PDCD1LG2: variants seen among roughly 807,000 people sequenced by gnomAD.
PDCD1LG2 encodes the protein programmed cell death 1 ligand 2.
In PDCD1LG2, 32 loss-of-function variants were observed where a neutral mutation model predicts 28.2. That is an observed-to-expected ratio of 1.13 (90% CI 0.86 to 1.52). The LOEUF (loss-of-function observed/expected upper bound fraction) is 1.52. Ranked by LOEUF, PDCD1LG2 falls within the 40% of genes most tolerant of loss-of-function variation. The pLI is 0.00. For missense variants in PDCD1LG2, 385 were observed against 323.8 expected (o/e 1.19, Z -1.45); for synonymous variants, 116 against 120.2 (o/e 0.97, Z 0.23).
intron 5 of PDCD1LG2, among the ~76,000 whole-genome samples, chr9:5,560,760 G>A (rs1193307311): frequency 6.6e-6 from 1 of 152,034 alleles, no homozygotes; most frequent in Non-Finnish European, 1.5e-5. Flanking sequence ...CTTCCAGATG[G>A]CTTCTTAGCT....
intron 3 of PDCD1LG2, among the ~76,000 whole-genome samples, chr9:5,539,033 A>G (rs55822557): frequency 0.015 from 2,219 of 152,252 alleles, 51 homozygotes; most frequent in African/African-American, 0.047. Flanking sequence ...TTAAATATTT[A>G]TATGTATTTT....
At chr9:5,556,372 CCTT>C (rs146866773) in intron 4 of PDCD1LG2, among the ~76,000 whole-genome samples, 3,336 of 152,276 alleles carry the variant, frequency 0.022, 136 homozygotes, top group African/African-American at 0.076. Context: ...GAGCAAGGCT[CCTT>C]ATCTTTTCTT....
intron 4 of PDCD1LG2, among the ~76,000 whole-genome samples, chr9:5,550,555 C>T: frequency 6.6e-6 from 1 of 152,112 alleles, no homozygotes; most frequent in East Asian, 1.9e-4. Flanking sequence ...TTGCAGAGGC[C>T]CTAAGGGAAG....
In PDCD1LG2 at chr9:5,549,548, G is replaced by C; in HGVS notation, c.575G>C (p.Cys192Ser). Reference sequence around the variant, plus strand: ...CCACCCCCTGGCAGAAACTTCAGCTGTGTGTTCTGGAATACTCACGTGAGG... The same window carrying C: ...CCACCCCCTGGCAGAAACTTCAGCTCTGTGTTCTGGAATACTCACGTGAGG... ...LKPPPGRNFS[C>S]VFWNTHVREL... Residue 192 changes from cysteine to serine, a missense_variant, in exon 4 of 7, where the codon TGT becomes TCT. Coordinates refer to ENST00000397747, the MANE Select transcript of PDCD1LG2 (RefSeq NM_025239.4). 1 of 1,614,216 alleles carries C rather than the reference G, an allele frequency of 6.2e-7. No homozygotes were observed. Among genetic ancestry groups the C allele is most frequent in the Non-Finnish European group, 8.5e-7 (1 of 1,180,034 alleles).
At chr9:5,533,791 T>G (rs974327236) in intron 2 of PDCD1LG2, among the ~76,000 whole-genome samples, 2 of 151,964 alleles carry the variant, frequency 1.3e-5, no homozygotes, top group Admixed American at 1.3e-4. Flanking sequence ...TACTAACATA[T>G]GTCCTGAAGT....
chr9:5,512,635 C>G (rs754752524), intron 1 of PDCD1LG2, among the ~76,000 whole-genome samples: 2 of 152,178 alleles, frequency 1.3e-5, no homozygotes, highest in Admixed American at 6.5e-5. Context: ...ATTCATTCCT[C>G]AATATTAACT....
chr9:5,561,041 T>C (rs1404718527), intron 5 of PDCD1LG2, among the ~76,000 whole-genome samples: 1 of 152,110 alleles, frequency 6.6e-6, no homozygotes, highest in Non-Finnish European at 1.5e-5. Flanking sequence ...CACCAATATA[T>C]GCCCAGTGTC....
intron 4 of PDCD1LG2, among the ~76,000 whole-genome samples, chr9:5,554,490 G>A (rs904794864): frequency 6.6e-6 from 1 of 152,144 alleles, no homozygotes; most frequent in African/African-American, 2.4e-5. Context: ...GGACTGCTGT[G>A]ACCCACAAGC....
At chr9:5,538,440 C>T (rs10975169) in intron 3 of PDCD1LG2, among the ~76,000 whole-genome samples, 35,270 of 151,072 alleles carry the variant, frequency 0.23, 6,986 homozygotes, top group African/African-American at 0.55. Context: ...AATCCCAGCA[C>T]TTTGGGAGGC....
intron 1 of PDCD1LG2, among the ~76,000 whole-genome samples, chr9:5,512,898 A>G (rs967126824): frequency 6.6e-6 from 1 of 152,124 alleles, no homozygotes; most frequent in Middle Eastern, 3.2e-3. Context: ...TCTCTTGTGC[A>G]TGGCTGATCA....
In PDCD1LG2 at chr9:5,534,842, C is replaced by A. The variant is rs1210092698; in HGVS notation, c.153C>A (p.Asn51Lys). The A allele has an allele frequency of 1.2e-6, 2 of 1,614,166 alleles. No individual in the cohort carries two copies. Among genetic ancestry groups the A allele is most frequent in the South Asian group, 2.2e-5 (2 of 91,078 alleles). Reference protein sequence around the residue: ...ECNFDTGSHVNLGAITASLQK... With the variant: ...ECNFDTGSHVKLGAITASLQK... ...ACTTTGACACTGGAAGTCATGTGAA[C>A]CTTGGAGCAATAACAGCCAGTTTGC... Residue 51 changes from asparagine (N) to lysine (K), a missense_variant, in exon 3 of 7, where the codon AAC (asparagine) becomes AAA (lysine). Asn to Lys is a moderately conservative substitution (Grantham distance 94). Transcript: ENST00000397747.
chr9:5,542,746 C>A (rs1460892304), intron 3 of PDCD1LG2, among the ~76,000 whole-genome samples: 1 of 152,158 alleles, frequency 6.6e-6, no homozygotes, highest in Non-Finnish European at 1.5e-5. Context: ...TAAACTAGTA[C>A]AACCACTATG....
chr9:5,557,600 TGC>T lies in PDCD1LG2; in HGVS notation c.632-17_632-16del. The T allele has an allele frequency of 6.2e-7, 1 of 1,613,750 alleles. No homozygotes were observed. The highest frequency in any genetic ancestry group is 2.2e-5 in the East Asian group (1 of 44,882). On this transcript the variant is annotated splice_polypyrimidine_tract_variant and intron_variant, in intron 4 of 6. Transcript: ENST00000397747. ...TAGTTGCCATGTAACAGGATTCTGGTGCTTTTCCTTTGCCCAGGTCAGATGGA... is the reference window on the plus strand; with the variant it reads ...TAGTTGCCATGTAACAGGATTCTGGTTTTTCCTTTGCCCAGGTCAGATGGA...
chr9:5,516,463 T>C lies in PDCD1LG2; in HGVS notation c.-15+5660T>C, dbSNP rs7032243. Among the ~76,000 whole-genome samples the C allele has an allele frequency of 5.8e-3, 890 of 152,338 alleles. 4 individuals are homozygous for C. Among genetic ancestry groups the C allele is most frequent in the African/African-American group, 0.02 (840 of 41,576 alleles). On this transcript the variant is annotated intron_variant, in intron 1 of 6. Transcript: ENST00000397747. ...TAAGTTCTTACCCCAGGCTGTGGAC[T>C]CCACCCACAATTGGCAACCTGGCTC...
intron 4 of PDCD1LG2, among the ~76,000 whole-genome samples, chr9:5,550,117 T>G (rs1204164644): frequency 6.6e-6 from 1 of 152,214 alleles, no homozygotes; most frequent in African/African-American, 2.4e-5. Flanking sequence ...CTAATCACTG[T>G]GATTCATGCA....
intron 1 of PDCD1LG2, among the ~76,000 whole-genome samples, chr9:5,520,624 T>A (rs186643266): frequency 3.1e-4 from 47 of 152,144 alleles, no homozygotes; most frequent in Non-Finnish European, 6.3e-4. Flanking sequence ...GCACAAACAA[T>A]AAAAGAAAAA....
intron 2 of PDCD1LG2, among the ~76,000 whole-genome samples, chr9:5,531,749 A>C (rs1240885288): frequency 6.6e-6 from 1 of 152,230 alleles, no homozygotes; most frequent in Admixed American, 6.5e-5. Flanking sequence ...AAAGTCATCT[A>C]TTTAATTCTT....
intron 6 of PDCD1LG2, 78 bp downstream of exon 6, chr9:5,563,289 T>C (rs957333038): frequency 7.3e-6 from 9 of 1,233,470 alleles, no homozygotes; most frequent in Middle Eastern, 3.8e-4. Flanking sequence ...ACCACTGTTC[T>C]ATTAATTCAT....
chr9:5,523,956 T>C (rs1264262144), intron 2 of PDCD1LG2, among the ~76,000 whole-genome samples: 1 of 152,190 alleles, frequency 6.6e-6, no homozygotes, highest in African/African-American at 2.4e-5. Context: ...TGGCTCTTTC[T>C]ACAGAGGAAG....
Sources: allele counts gnomAD v4.1 joint callset (sites outside exome capture counted in the v4.1 genomes callset), GRCh38; gene constraint gnomAD v4.1.1; transcripts MANE v1.5; gene names NCBI Gene and HGNC (gene_info 2026-07-23, HGNC 2026-07-21).